MRPS10: variants seen among roughly 807,000 people sequenced by gnomAD.
The protein encoded by MRPS10 is mitochondrial ribosomal protein S10, also known as small ribosomal subunit protein uS10m.
A neutral mutation model predicts 27.5 loss-of-function variants in MRPS10; 23 were observed. The observed-to-expected ratio is 0.84, with a 90% CI of 0.60 to 1.18. The LOEUF (loss-of-function observed/expected upper bound fraction) is 1.18, where lower values mean the gene tolerates loss of function less well. Among genes scored for constraint, MRPS10 ranks in the 50% most tolerant of loss-of-function variants. The pLI, the probability that MRPS10 is intolerant of heterozygous loss-of-function variation, is 0.00. For synonymous variants in MRPS10, 88 were observed against 84.2 expected, an observed-to-expected ratio of 1.04 and a Z score of -0.25; for missense variants, 237 against 240.1, an observed-to-expected ratio of 0.99 and a Z score of 0.09.
intron 4 of MRPS10, 54 bp downstream of exon 4, chr6:42,211,727 T>C: frequency 6.6e-7 from 1 of 1,504,986 alleles, no homozygotes; most frequent in Non-Finnish European, 9.0e-7. Flanking sequence ...ACTATTTTCC[T>C]GGTTGATCAT....
chr6:42,217,006 G>C (rs377654402), intron 1 of MRPS10, among the ~76,000 whole-genome samples: 3 of 152,112 alleles, frequency 2.0e-5, no homozygotes, highest in Admixed American at 2.0e-4. Context: ...TGTGATATAG[G>C]AAAAGATTAA....
Position 42,216,385 on chromosome 6 carries a change from A to AGTGTGTGTGTGTGTGT in MRPS10, c.48+1401_48+1416dup, listed in dbSNP as rs1225590522. 1.6e-3 allele frequency among the ~76,000 whole-genome samples: 95 copies of AGTGTGTGTGTGTGTGT among 58,618 alleles called. 3 individuals are homozygous for AGTGTGTGTGTGTGTGT. Among genetic ancestry groups the AGTGTGTGTGTGTGTGT allele is most frequent in the East Asian group, 4.7e-3 (4 of 858 alleles). The allele number at this position is 58,618 out of a possible 152,430, so 38.5% of individuals were successfully genotyped here. A position where few individuals can be genotyped will look rare whatever the true frequency, so the allele number is the denominator to read the frequency against. ...GAGAGAGAGAGAGAGAGAGAGAGAG[A>AGTGTGTGTGTGTGTGT]GTGTGTGTGTGTGTGTGTGTGTGTG... On this transcript the variant is annotated intron_variant, in intron 1 of 6. Coordinates refer to ENST00000053468, the MANE Select transcript of MRPS10 (RefSeq NM_018141.4).
At chr6:42,216,383 A>AGTGTGTGTGTGTGT (rs763994848) in intron 1 of MRPS10, among the ~76,000 whole-genome samples, 205 of 46,228 alleles carry the variant, frequency 4.4e-3, no homozygotes, top group African/African-American at 6.6e-3. Flanking sequence ...AGAGAGAGAG[A>AGTGTGTGTGTGTGT]GAGTGTGTGT....
chr6:42,216,385 A>AGAGAGAGTGTGTGTGTGTGTGTGTGT, intron 1 of MRPS10, among the ~76,000 whole-genome samples: 12 of 58,640 alleles, frequency 2.0e-4, no homozygotes, highest in Non-Finnish European at 3.6e-4. Context: ...AGAGAGAGAG[A>AGAGAGAGTGTGTGTGTGTGTGTGTGT]GTGTGTGTGT....
Position 42,208,232 on chromosome 6 carries a change from A to G in MRPS10, c.*57T>C. 7.9e-7 allele frequency: 1 copy of G among 1,271,950 alleles called. No individual in the cohort carries two copies. The highest frequency in any genetic ancestry group is 1.1e-6 in the Non-Finnish European group (1 of 873,926). 78.8% of individuals were successfully genotyped at this position (1,271,950 alleles called of 1,614,324 possible). A position where few individuals can be genotyped will look rare whatever the true frequency, so the allele number is the denominator to read the frequency against. On this transcript the variant is annotated 3_prime_UTR_variant, in exon 7 of 7. Transcript: ENST00000053468. Reference sequence around the variant, plus strand: ...AGCTGGAAGCACTCTCCACTTAAACATACTCATCTGGCCCACCCTCATTTC... The same window carrying G: ...AGCTGGAAGCACTCTCCACTTAAACGTACTCATCTGGCCCACCCTCATTTC...
intron 1 of MRPS10, among the ~76,000 whole-genome samples, chr6:42,216,922 C>T (rs910526801): frequency 3.9e-5 from 6 of 152,108 alleles, no homozygotes; most frequent in Non-Finnish European, 7.4e-5. Context: ...TTCATAAAAC[C>T]AAAACGTCAT....
Position 42,208,173 on chromosome 6 carries a change from C to T in MRPS10, c.*116G>A. The T allele has an allele frequency of 1.3e-6, 1 of 784,176 alleles. No individual in the cohort carries two copies. The highest frequency in any genetic ancestry group is 2.2e-6 in the Non-Finnish European group (1 of 462,022). The allele number at this position is 784,176 out of a possible 1,614,324, so 48.6% of individuals were successfully genotyped here. A position where few individuals can be genotyped will look rare whatever the true frequency, so the allele number is the denominator to read the frequency against. On this transcript the variant is annotated 3_prime_UTR_variant, in exon 7 of 7. Coordinates refer to ENST00000053468, the MANE Select transcript of MRPS10 (RefSeq NM_018141.4). ...CTCAGCTGATGAGGGCACGAGAACT[C>T]AATGGAGCAGTTAGGGCAGACTCAA...
In MRPS10 at chr6:42,211,728, G is replaced by C. The variant is rs1430847706; in HGVS notation, c.323+53C>G. On this transcript the variant is annotated intron_variant, in intron 4 of 6. Transcript: ENST00000053468. ...TTCCTGGGATGAGCACTATTTTCCT[G>C]GTTGATCATATTACAGCAGCGAACA... The C allele has an allele frequency of 2.0e-6, 3 of 1,520,400 alleles. No individual in the cohort carries two copies. The East Asian group carries it at 7.0e-5, about 35-fold the overall frequency. 94.2% of individuals were successfully genotyped at this position (1,520,400 alleles called of 1,614,324 possible). A position where few individuals can be genotyped will look rare whatever the true frequency, so the allele number is the denominator to read the frequency against.
intron 5 of MRPS10, 50 bp from the exon 6 acceptor site, chr6:42,208,997 C>CT: frequency 8.6e-7 from 1 of 1,156,104 alleles, no homozygotes; most frequent in Non-Finnish European, 1.2e-6. Context: ...TGTTAAAGCA[C>CT]GGTTTTTTGT....
chr6:42,213,859 T>C (rs752965196), intron 3 of MRPS10, among the ~76,000 whole-genome samples: 1 of 152,222 alleles, frequency 6.6e-6, no homozygotes, highest in African/African-American at 2.4e-5. Flanking sequence ...AACTCTTCCA[T>C]TATGCCAAGC....
In MRPS10 at chr6:42,211,744, G is replaced by A. The variant is rs368269747; in HGVS notation, c.323+37C>T. The A allele has an allele frequency of 9.1e-5, 144 of 1,579,390 alleles. No individual in the cohort carries two copies. The African/African-American group carries it at 1.6e-3, about 18-fold the overall frequency. On this transcript the variant is annotated intron_variant, in intron 4 of 6. Transcript: ENST00000053468. Reference sequence around the variant, plus strand: ...TATTTTCCTGGTTGATCATATTACAGCAGCGAACAGGTCGGGTCAGGAAAG... The same window carrying A: ...TATTTTCCTGGTTGATCATATTACAACAGCGAACAGGTCGGGTCAGGAAAG...
At chr6:42,211,729 G>A in intron 4 of MRPS10, 52 bp downstream of exon 4, 3 of 1,530,212 alleles carry the variant, frequency 2.0e-6, no homozygotes, top group South Asian at 2.4e-5. Flanking sequence ...TATTTTCCTG[G>A]TTGATCATAT....
intron 5 of MRPS10, among the ~76,000 whole-genome samples, chr6:42,209,665 A>AACC (rs1179138731): frequency 7.0e-6 from 1 of 142,872 alleles, no homozygotes; most frequent in Admixed American, 7.6e-5. Flanking sequence ...GAATTGCTTG[A>AACC]ACCCGGAAGG....
At chr6:42,212,980 C>T (rs747853135) in intron 3 of MRPS10, among the ~76,000 whole-genome samples, 1 of 152,228 alleles carries the variant, frequency 6.6e-6, no homozygotes, top group Non-Finnish European at 1.5e-5. Flanking sequence ...TTTAGACAGG[C>T]TGGCATCACT....
At chr6:42,214,431 C>CT in intron 1 of MRPS10, 87 bp from the exon 2 acceptor site, 1 of 1,065,338 alleles carries the variant, frequency 9.4e-7, no homozygotes, top group Non-Finnish European at 1.4e-6. Context: ...AAAAGGTTAC[C>CT]TCATTATTTC....
At chr6:42,214,248 G>A (rs1440991807) in intron 2 of MRPS10, 32 bp downstream of exon 2, 7 of 1,607,594 alleles carry the variant, frequency 4.4e-6, no homozygotes, top group Non-Finnish European at 5.1e-6. Flanking sequence ...AACCTATTTT[G>A]TTCAATTTAG....
chr6:42,214,606 TA>T (rs1768870130), intron 1 of MRPS10, among the ~76,000 whole-genome samples: 1 of 149,854 alleles, frequency 6.7e-6, no homozygotes, highest in African/African-American at 2.4e-5. Flanking sequence ...TTCTCACATT[TA>T]AAAAAAGCTA....
rs183518695 is a variant in MRPS10 at position 42,215,850 on chromosome 6, A to G, written c.49-1506T>C. Among the ~76,000 whole-genome samples, 9 of 152,272 alleles carry G rather than the reference A, an allele frequency of 5.9e-5. No homozygotes were observed. In the East Asian group the frequency reaches 1.7e-3, roughly 29 times the overall value. On this transcript the variant is annotated intron_variant, in intron 1 of 6. Transcript: ENST00000053468. ...GGAAAAAGGAAATCAGGTACAACAC[A>G]AAGTGGTAAGAGGTATGTGCCATTC...
rs766619745 is a variant in MRPS10, at chr6:42,208,327, C to T, written c.568G>A (p.Glu190Lys). 6.2e-7 allele frequency: 1 copy of T among 1,613,024 alleles called. No individual in the cohort carries two copies. Among genetic ancestry groups the T allele is most frequent in the South Asian group, 1.1e-5 (1 of 90,898 alleles). ...LPEHIKEPIW[E>K]TLSEEKEESK... ...TCTTCTTTTTCTTCTGATAGTGTTT[C>T]CCAGATTGGCTCCTTGATGTGTTCT... is the stretch of plus-strand genomic sequence containing the variant. The change falls in exon 7 of 7, where the codon GAA (glutamate) becomes AAA (lysine). Residue 190 changes from glutamate to lysine, a missense_variant. Around this residue, in one of 3 missense-constraint regions of MRPS10, gnomAD observed 62 missense variants for 68.2 expected, o/e 0.91. Coordinates refer to ENST00000053468, the MANE Select transcript of MRPS10 (RefSeq NM_018141.4).
Sources: gnomAD v4.1 joint callset for allele counts (sites outside exome capture counted in the v4.1 genomes callset) on GRCh38, gnomAD v4.1.1 for gene constraint, gnomAD v4.1.1 regional missense constraint, MANE v1.5 for transcripts, NCBI Gene and HGNC (gene_info 2026-07-23, HGNC 2026-07-21) for gene names.